The following ADCY6 variants were observed in gnomAD, a reference collection of about 807,000 sequenced individuals.
ADCY6 encodes the protein adenylate cyclase type 6.
ADCY6 carries 59 observed loss-of-function variants against 111.6 expected under a neutral mutation model. The observed-to-expected ratio is 0.53, with a 90% CI of 0.43 to 0.66. The LOEUF is 0.66. Ranked by LOEUF, ADCY6 falls within the 30% of genes least tolerant of loss-of-function variation. The pLI is 0.00. For synonymous variants in ADCY6, 576 were observed against 642.9 expected (o/e 0.90, Z 1.57); for missense variants, 1,242 against 1,595.6 (o/e 0.78, Z 3.78).
At chr12:48,787,158 G>A (rs1941992355) in intron 1 of ADCY6, among the ~76,000 whole-genome samples, 1 of 152,116 alleles carries the variant, frequency 6.6e-6, no homozygotes, top group Admixed American at 6.5e-5. Flanking sequence ...CCCAGAGTGA[G>A]CAGGTTTCCC....
chr12:48,783,231 G>A lies in ADCY6; in HGVS notation c.204C>T (p.Asp68=), dbSNP rs147362088. ...CTGGGCCGCCCCTCCGGATGAAGGC[G>A]TCATCCTGCCAGGGGCACCGAGGGG... is the stretch of plus-strand genomic sequence containing the variant. ...AGPPRCPWQD[D]AFIRRGGPGK... is the part of the protein sequence containing the mutation. Residue 68 remains aspartate, a synonymous_variant, in exon 2 of 22, where the codon GAC becomes GAT. Transcript: ENST00000357869. The A allele has an allele frequency of 3.9e-5, 63 of 1,608,950 alleles. No homozygotes were observed. In the African/African-American group the frequency reaches 6.9e-4, roughly 18 times the overall value.
At chr12:48,785,556 T>G (rs1302304572) in intron 1 of ADCY6, among the ~76,000 whole-genome samples, 2 of 151,990 alleles carry the variant, frequency 1.3e-5, no homozygotes, top group Non-Finnish European at 2.9e-5. Flanking sequence ...GAGGCAGAGG[T>G]TGCAGTGAGC....
chr12:48,768,179 T>C lies in ADCY6; in HGVS notation c.*412A>G, dbSNP rs1310080982. ...TCTTTGTACAAAATATTGTACAAAA[T>C]ATTCCCAGGAAAAAAGAGGGAAAAG... On this transcript the variant is annotated 3_prime_UTR_variant, in exon 22 of 22. Coordinates refer to ENST00000357869, the MANE Select transcript of ADCY6 (RefSeq NM_015270.5). The C allele has an allele frequency of 3.6e-6, 1 of 278,020 alleles. No individual in the cohort carries two copies. Among genetic ancestry groups the C allele is most frequent in the East Asian group, 9.8e-5 (1 of 10,170 alleles). 17.2% of individuals were successfully genotyped at this position (278,020 alleles called of 1,614,324 possible).
intron 2 of ADCY6, among the ~76,000 whole-genome samples, chr12:48,779,347 T>C (rs1941787319): frequency 6.6e-6 from 1 of 152,190 alleles, no homozygotes; most frequent in Non-Finnish European, 1.5e-5. Context: ...TTCCAAATCC[T>C]GTGTCCTAAT....
intron 18 of ADCY6, 136 bp from the exon 19 acceptor site, chr12:48,772,109 C>G (rs187203937): frequency 4.3e-6 from 6 of 1,401,272 alleles, no homozygotes; most frequent in Admixed American, 2.6e-5. Context: ...AAAGAACAGG[C>G]AAAGGGGTAA....
In ADCY6 at chr12:48,770,835, C is replaced by T. The variant is rs1268660892; in HGVS notation, c.3187G>A (p.Ala1063Thr). 5.6e-6 allele frequency: 9 copies of T among 1,614,210 alleles called. No homozygotes were observed. The highest frequency in any genetic ancestry group is 3.3e-5 in the South Asian group (3 of 91,088). ...TTCATCTGCTCCATGAGCCGCATGG[C>T]GTAGTCAGCCAGGGCAGTGATGTGG... is the stretch of plus-strand genomic sequence containing the variant. ...RSHITALADY[A>T]MRLMEQMKHI... Residue 1063 changes from alanine to threonine, a missense_variant, in exon 20 of 22, where the codon GCC becomes ACC. By Grantham distance (58) the Ala-to-Thr change is moderately conservative. This residue lies in a region of ADCY6 where 245 missense variants were observed against 371.3 expected (regional missense o/e 0.66). Transcript: ENST00000357869.
Position 48,767,929 on chromosome 12 carries a change from T to A in ADCY6, c.*662A>T, listed in dbSNP as rs1376643670. ...GCAGGAACTGGGGCTAAATCTAAGC[T>A]GTCAGAGGTCCCTTTGTTCCCCTTT... On this transcript the variant is annotated 3_prime_UTR_variant, in exon 22 of 22. Transcript: ENST00000357869. The A allele has an allele frequency of 6.5e-6, 1 of 153,928 alleles. No individual in the cohort carries two copies. The highest frequency in any genetic ancestry group is 1.5e-5 in the Non-Finnish European group (1 of 68,928). The allele number at this position is 153,928 out of a possible 1,614,324, so 9.5% of individuals were successfully genotyped here.
Position 48,767,052 on chromosome 12 carries a change from G to A in ADCY6, c.*1539C>T, listed in dbSNP as rs991632089. 2 of 152,584 alleles carry A rather than the reference G, an allele frequency of 1.3e-5. No individual in the cohort carries two copies. The highest frequency in any genetic ancestry group is 4.8e-5 in the African/African-American group (2 of 41,450). The allele number at this position is 152,584 out of a possible 1,614,324, so 9.5% of individuals were successfully genotyped here. On this transcript the variant is annotated 3_prime_UTR_variant, in exon 22 of 22. Transcript: ENST00000357869. ...TGCTAGACTCAGGCTGAAGGCTGGG[G>A]AAAGCCAAGTTTAAGGTTCCTCTTC...
Position 48,774,431 on chromosome 12 carries a change from G to T in ADCY6, c.2254C>A (p.Leu752Ile). Reference sequence around the variant, plus strand: ...TTGGCAATGGCAGAAGTAAACACAAGCAGGACGGAAAAGATGCCAACTGCG... The same window carrying T: ...TTGGCAATGGCAGAAGTAAACACAATCAGGACGGAAAAGATGCCAACTGCG... Reference protein sequence around the residue: ...STAVGIFSVLLVFTSAIANMF... With the variant: ...STAVGIFSVLIVFTSAIANMF... The change falls in exon 14 of 22, where the codon CTT becomes ATT. Residue 752 changes from leucine (L) to isoleucine (I), a missense_variant. By Grantham distance (5) the Leu-to-Ile change is conservative. This residue lies in a region of ADCY6 where 375 missense variants were observed against 432.5 expected (regional missense o/e 0.87). Transcript: ENST00000357869. 1 of 1,613,900 alleles carries T rather than the reference G, an allele frequency of 6.2e-7. No homozygotes were observed.
chr12:48,771,114 G>C lies in ADCY6; in HGVS notation c.3052-144C>G. The C allele has an allele frequency of 2.5e-6, 2 of 816,262 alleles. No individual in the cohort carries two copies. Among genetic ancestry groups the C allele is most frequent in the Non-Finnish European group, 3.8e-6 (2 of 528,098 alleles). The allele number at this position is 816,262 out of a possible 1,614,324, so 50.6% of individuals were successfully genotyped here. A position where few individuals can be genotyped will look rare whatever the true frequency, so the allele number is the denominator to read the frequency against. On this transcript the variant is annotated intron_variant, in intron 19 of 21. Coordinates refer to ENST00000357869, the MANE Select transcript of ADCY6 (RefSeq NM_015270.5). The surrounding 1 kb of genome is among the most constrained non-coding windows in gnomAD (Gnocchi z 4.3). The stretch of plus-strand genomic sequence containing the variant: ...CTTCCAGCTGCTGCTATCAGTGTAA[G>C]ACTGAGGAGCTGGGAAAACAGGCAG...
intron 2 of ADCY6, 152 bp from the exon 3 acceptor site, chr12:48,778,409 A>G (rs1016753383): frequency 1.4e-5 from 12 of 851,460 alleles, no homozygotes; most frequent in South Asian, 3.4e-5. Context: ...CCCCTGCAAT[A>G]TATCTCTCCC....
At chr12:48,786,379 G>A (rs2137399498) in intron 1 of ADCY6, among the ~76,000 whole-genome samples, 1 of 152,098 alleles carries the variant, frequency 6.6e-6, no homozygotes, top group Non-Finnish European at 1.5e-5. Flanking sequence ...TTGTTTTTTG[G>A]TTTAAGACGG....
At chr12:48,781,189 G>A (rs577247415) in intron 2 of ADCY6, among the ~76,000 whole-genome samples, 1 of 148,946 alleles carries the variant, frequency 6.7e-6, no homozygotes, top group East Asian at 2.0e-4. Context: ...GACAGAGCAA[G>A]ACTCCGTCTC....
chr12:48,783,240 C>G lies in ADCY6; in HGVS notation c.195G>C (p.Trp65Cys). 6.2e-7 allele frequency: 1 copy of G among 1,609,566 alleles called. No homozygotes were observed. Among genetic ancestry groups the G allele is most frequent in the Non-Finnish European group, 8.5e-7 (1 of 1,179,412 alleles). The change falls in exon 2 of 22, where the codon TGG (tryptophan) becomes TGC (cysteine). Residue 65 changes from tryptophan (W) to cysteine (C), a missense_variant. Trp to Cys is a radical substitution (Grantham distance 215). Coordinates refer to ENST00000357869, the MANE Select transcript of ADCY6 (RefSeq NM_015270.5). Reference protein sequence around the residue: ...PTPAGPPRCPWQDDAFIRRGG... With the variant: ...PTPAGPPRCPCQDDAFIRRGG... ...CCCTCCGGATGAAGGCGTCATCCTGCCAGGGGCACCGAGGGGGGCCCGCAG... is the reference window on the plus strand; with the variant it reads ...CCCTCCGGATGAAGGCGTCATCCTGGCAGGGGCACCGAGGGGGGCCCGCAG...
At position 48,772,384 on chromosome 12, in the gene ADCY6, C is replaced by T. The variant is rs1405999340; in HGVS notation, c.2698G>A (p.Val900Met). ...GRVALKYMTP[V>M]ILLVFALALY... ...GCCAGCGCAAACACCAGCAGAATCA[C>T]AGGGGTCATATATTTGAGGGCCACC... The change falls in exon 18 of 22, where the codon GTG becomes ATG. Residue 900 changes from valine to methionine, a missense_variant. Transcript: ENST00000357869. 3.1e-6 allele frequency: 5 copies of T among 1,614,094 alleles called. No individual in the cohort carries two copies. Among genetic ancestry groups the T allele is most frequent in the Non-Finnish European group, 3.4e-6 (4 of 1,180,034 alleles).
In ADCY6 at chr12:48,777,587, G is replaced by C; in HGVS notation, c.1136+28C>G. ...CAAAGACTTCCAGACCCCCCGCCCT[G>C]CTGGGCATCCTCCTACCCTCACCCT... On this transcript the variant is annotated intron_variant, in intron 4 of 21. Coordinates refer to ENST00000357869, the MANE Select transcript of ADCY6 (RefSeq NM_015270.5). The surrounding 1 kb of genome is among the most constrained non-coding windows in gnomAD (Gnocchi z 4.9). 1 of 1,614,094 alleles carries C rather than the reference G, an allele frequency of 6.2e-7. No individual in the cohort carries two copies. Among genetic ancestry groups the C allele is most frequent in the Non-Finnish European group, 8.5e-7 (1 of 1,179,950 alleles).
In ADCY6 at chr12:48,783,334, C is replaced by G; in HGVS notation, c.101G>C (p.Arg34Pro). The change falls in exon 2 of 22, where the codon CGG (arginine) becomes CCG (proline). Residue 34 changes from arginine (R) to proline (P), a missense_variant. Arg to Pro is a moderately radical substitution (Grantham distance 103). Transcript: ENST00000357869. The stretch of plus-strand genomic sequence containing the variant: ...GCGGGGCGTGCAGAAGCCACCTGCC[C>G]GAGTGCCACGGCGCCGCGAACGCTT... ...GQKRSRRRGT[R>P]AGGFCTPRYM... 1 of 1,614,022 alleles carries G rather than the reference C, an allele frequency of 6.2e-7. No individual in the cohort carries two copies.
chr12:48,772,585 G>A, intron 16 of ADCY6, 42 bp from the exon 17 acceptor site: 1 of 1,612,118 alleles, frequency 6.2e-7, no homozygotes, highest in Middle Eastern at 1.7e-4. Context: ...AGTGCTTCCT[G>A]GATTGCTGGG....
At chr12:48,774,134 G>A (rs1347571860) in intron 14 of ADCY6, 36 bp from the exon 15 acceptor site, 1 of 1,578,440 alleles carries the variant, frequency 6.3e-7, no homozygotes, top group East Asian at 2.3e-5. Flanking sequence ...GGTAACCAAG[G>A]AGGGAAAGGG....
Sources: gnomAD v4.1 joint callset for allele counts (sites outside exome capture counted in the v4.1 genomes callset) on GRCh38, gnomAD v4.1.1 for gene constraint, gnomAD v4.1.1 regional missense constraint, Gnocchi (gnomAD v3.1) non-coding constraint, MANE v1.5 for transcripts, NCBI Gene and HGNC (gene_info 2026-07-23, HGNC 2026-07-21) for gene names.